Variants in SNTG1 observed in about 807,000 individuals in gnomAD.
The protein encoded by SNTG1 is gamma-1-syntrophin.
In SNTG1, 39 loss-of-function variants were observed where a neutral mutation model predicts 74.7. The observed-to-expected ratio is 0.52, with a 90% CI of 0.40 to 0.68. The LOEUF (loss-of-function observed/expected upper bound fraction) is 0.68, where lower values mean the gene tolerates loss of function less well. SNTG1 is among the 30% of genes least tolerant of loss of function. The pLI is 0.00. For missense variants in SNTG1, 685 were observed against 609.5 expected, an observed-to-expected ratio of 1.12 and a Z score of -1.30; for synonymous variants, 254 against 217.1, an observed-to-expected ratio of 1.17 and a Z score of -1.49.
At chr8:50,707,165 G>GA (rs1190862663) in intron 16 of SNTG1, among the ~76,000 whole-genome samples, 1 of 151,844 alleles carries the variant, frequency 6.6e-6, no homozygotes, top group African/African-American at 2.4e-5. Context: ...TGATTATTGA[G>GA]AAAATCTAAT....
chr8:50,372,371 A>T (rs1047070550), intron 2 of SNTG1, among the ~76,000 whole-genome samples: 22 of 151,950 alleles, frequency 1.4e-4, no homozygotes, highest in African/African-American at 5.3e-4. Flanking sequence ...TCAATTACTT[A>T]CAAAACCTAC....
chr8:50,158,424 C>G (rs1429425016), intron 1 of SNTG1, among the ~76,000 whole-genome samples: 1 of 151,964 alleles, frequency 6.6e-6, no homozygotes, highest in Non-Finnish European at 1.5e-5. Context: ...GGGCAGAGTC[C>G]CCAGGGATTG....
chr8:50,113,003 G>A (rs1308083806), intron 1 of SNTG1, among the ~76,000 whole-genome samples: 1 of 152,120 alleles, frequency 6.6e-6, no homozygotes, highest in Non-Finnish European at 1.5e-5. Flanking sequence ...TAGCCCTGTA[G>A]TATAGTTTGA....
At chr8:49,930,200 A>G (rs1807436410) in intron 1 of SNTG1, among the ~76,000 whole-genome samples, 1 of 152,112 alleles carries the variant, frequency 6.6e-6, no homozygotes, top group African/African-American at 2.4e-5. Context: ...TTGAATTTAA[A>G]ACATAACAAG....
At chr8:50,130,357 C>G (rs977978074) in intron 1 of SNTG1, among the ~76,000 whole-genome samples, 2 of 151,838 alleles carry the variant, frequency 1.3e-5, no homozygotes, top group African/African-American at 2.4e-5. Flanking sequence ...AGTGAGGAAA[C>G]ACAAAAATCT....
chr8:50,524,481 AAACTGAT>A (rs2094204650), intron 9 of SNTG1, among the ~76,000 whole-genome samples: 1 of 152,132 alleles, frequency 6.6e-6, no homozygotes, highest in Admixed American at 6.6e-5. Flanking sequence ...AAGTGAATTT[AAACTGAT>A]AACTCCATGT....
chr8:50,113,705 C>A (rs539756647), intron 1 of SNTG1, among the ~76,000 whole-genome samples: 2 of 151,984 alleles, frequency 1.3e-5, no homozygotes, highest in African/African-American at 2.4e-5. Flanking sequence ...ATTCAGTATG[C>A]AATTGGCTGT....
Position 50,279,977 on chromosome 8 carries a change from ATGTAAACTTCTCT to A in SNTG1, c.-28+107344_-28+107356del, listed in dbSNP as rs568370237. On this transcript the variant is annotated intron_variant, in intron 2 of 18. Coordinates refer to ENST00000642720, the MANE Select transcript of SNTG1 (RefSeq NM_018967.5). ...CTTACAAATGGATATTTCCTTATAGATGTAAACTTCTCTTACAAAAGGGTAACTTCTACTCTGT... is the reference window on the plus strand; with the variant it reads ...CTTACAAATGGATATTTCCTTATAGATACAAAAGGGTAACTTCTACTCTGT... 2.4e-3 allele frequency among the ~76,000 whole-genome samples: 370 copies of A among 152,328 alleles called. 3 individuals carry two copies. Among genetic ancestry groups the A allele is most frequent in the African/African-American group, 8.2e-3 (343 of 41,576 alleles).
chr8:49,973,295 T>C (rs1294298395), intron 1 of SNTG1, among the ~76,000 whole-genome samples: 1 of 148,600 alleles, frequency 6.7e-6, no homozygotes, highest in Non-Finnish European at 1.5e-5. Flanking sequence ...TTCTCACTCA[T>C]AGGTGGGAAT....
At chr8:50,690,169 A>G (rs1333396308) in intron 15 of SNTG1, among the ~76,000 whole-genome samples, 1 of 152,008 alleles carries the variant, frequency 6.6e-6, no homozygotes, top group Admixed American at 6.6e-5. Context: ...CTAGCAGTCT[A>G]TCAATTTTGT....
intron 13 of SNTG1, among the ~76,000 whole-genome samples, chr8:50,619,463 G>C (rs1394012644): frequency 1.3e-5 from 2 of 152,166 alleles, no homozygotes; most frequent in East Asian, 3.9e-4. Context: ...CGGGCAAGGT[G>C]GCTCACGCCT....
chr8:50,303,850 C>CG, intron 2 of SNTG1, among the ~76,000 whole-genome samples: 1 of 152,190 alleles, frequency 6.6e-6, no homozygotes, highest in African/African-American at 2.4e-5. Flanking sequence ...TTAACAACTC[C>CG]ATTTGATGTT....
intron 1 of SNTG1, among the ~76,000 whole-genome samples, chr8:50,059,188 G>C (rs1820274699): frequency 6.6e-6 from 1 of 151,968 alleles, no homozygotes; most frequent in South Asian, 2.1e-4. Flanking sequence ...TGGCTTTTAT[G>C]AATAAAGCTG....
rs540046355 is a variant in SNTG1 at position 50,794,419 on chromosome 8, A to G, written c.*1590A>G. 6.6e-6 allele frequency: 1 copy of G among 152,122 alleles called. No individual in the cohort carries two copies. Among genetic ancestry groups the G allele is most frequent in the East Asian group, 1.9e-4 (1 of 5,170 alleles). The allele number at this position is 152,122 out of a possible 1,614,324, so 9.4% of individuals were successfully genotyped here. A position where few individuals can be genotyped will look rare whatever the true frequency, so the allele number is the denominator to read the frequency against. ...GTGAGGGTTTATAATTGTCCCTGGG[A>G]AAATGTTAAACTGAATCTAACATAC... is the stretch of plus-strand genomic sequence containing the variant. On this transcript the variant is annotated 3_prime_UTR_variant, in exon 19 of 19. Transcript: ENST00000642720.
At chr8:50,136,694 G>C (rs1413084351) in intron 1 of SNTG1, among the ~76,000 whole-genome samples, 1 of 152,038 alleles carries the variant, frequency 6.6e-6, no homozygotes, top group Non-Finnish European at 1.5e-5. Flanking sequence ...TTAATACCTG[G>C]TGAATGTTAT....
At chr8:50,182,380 T>C (rs1708033898) in intron 2 of SNTG1, among the ~76,000 whole-genome samples, 3 of 152,308 alleles carry the variant, frequency 2.0e-5, no homozygotes, top group Admixed American at 6.5e-5. Context: ...CTAATCCAAA[T>C]ATTTTTATGA....
chr8:50,215,393 T>G (rs1442354602), intron 2 of SNTG1, among the ~76,000 whole-genome samples: 2 of 147,512 alleles, frequency 1.4e-5, no homozygotes, highest in Non-Finnish European at 1.5e-5. Context: ...TATATATGTG[T>G]ATATATACTA....
chr8:50,278,976 T>C (rs2130398326), intron 2 of SNTG1, among the ~76,000 whole-genome samples: 1 of 152,256 alleles, frequency 6.6e-6, no homozygotes, highest in East Asian at 1.9e-4. Flanking sequence ...TACAAAGTTA[T>C]AGAAATAAAG....
chr8:50,289,401 G>A lies in SNTG1; in HGVS notation c.-27-104811G>A, dbSNP rs537079308. Among the ~76,000 whole-genome samples the A allele has an allele frequency of 2.0e-5, 3 of 152,276 alleles. No homozygotes were observed. The South Asian group carries it at 6.2e-4, about 32-fold the overall frequency. Reference sequence around the variant, plus strand: ...CATGATTCTTTTGTAGCACAATCATGCATAACAGCCTCAGAAAGTGGAAGC... The same window carrying A: ...CATGATTCTTTTGTAGCACAATCATACATAACAGCCTCAGAAAGTGGAAGC... On this transcript the variant is annotated intron_variant, in intron 2 of 18. Transcript: ENST00000642720.
Sources: allele counts gnomAD v4.1 joint callset (sites outside exome capture counted in the v4.1 genomes callset), GRCh38; gene constraint gnomAD v4.1.1; transcripts MANE v1.5; gene names NCBI Gene and HGNC (gene_info 2026-07-23, HGNC 2026-07-21).